The following BRD7 variants were observed in gnomAD, a reference collection of about 807,000 sequenced individuals.
BRD7 encodes bromodomain containing 7.
BRD7 carries 15 observed loss-of-function variants against 82.1 expected under a neutral mutation model. The ratio of observed to expected loss-of-function variants is 0.18; its 90% confidence interval spans 0.12 to 0.28. BRD7 has a LOEUF of 0.28. Ranked by LOEUF, BRD7 falls within the 10% of genes least tolerant of loss-of-function variation. BRD7 has a pLI of 1.00. For synonymous variants in BRD7, 232 were observed against 266.9 expected (o/e 0.87, Z 1.27); for missense variants, 638 against 779.9 (o/e 0.82, Z 2.17).
intron 5 of BRD7, among the ~76,000 whole-genome samples, chr16:50,343,739 C>T (rs1459497057): frequency 6.6e-6 from 1 of 152,194 alleles, no homozygotes; most frequent in Admixed American, 6.5e-5. Flanking sequence ...TGCAAGGCAG[C>T]AGTGAGGCTG....
At chr16:50,355,074 A>G (rs2038680017) in intron 2 of BRD7, 152 bp from the exon 3 acceptor site, 2 of 957,994 alleles carry the variant, frequency 2.1e-6, no homozygotes, top group African/African-American at 3.4e-5. Flanking sequence ...CTGGAAAAGG[A>G]GAGAATAATA....
At chr16:50,363,666 CGCGCGCGTGCGCGT>C (rs146045888) in intron 2 of BRD7, among the ~76,000 whole-genome samples, 56,231 of 135,474 alleles carry the variant, frequency 0.42, 12,087 homozygotes, top group Middle Eastern at 0.57. Context: ...TGTGTGCGCG[CGCGCGCGTGCGCGT>C]GTGCTTCCCC....
At chr16:50,327,777 A>G (rs551184256) in intron 9 of BRD7, among the ~76,000 whole-genome samples, 1 of 152,166 alleles carries the variant, frequency 6.6e-6, no homozygotes, top group African/African-American at 2.4e-5. Context: ...CCTGCATAGT[A>G]CTGATTAAGG....
chr16:50,354,967 A>C, intron 2 of BRD7, 45 bp from the exon 3 acceptor site: 2 of 1,584,198 alleles, frequency 1.3e-6, no homozygotes, highest in Non-Finnish European at 1.7e-6. Context: ...TTCAGAACCA[A>C]TATCTTTAAA....
At chr16:50,364,762 TA>T (rs2039074241) in intron 2 of BRD7, among the ~76,000 whole-genome samples, 1 of 152,224 alleles carries the variant, frequency 6.6e-6, no homozygotes, top group African/African-American at 2.4e-5. Context: ...ATGTAAGATT[TA>T]AAAGTAATAA....
intron 5 of BRD7, among the ~76,000 whole-genome samples, chr16:50,344,939 A>G (rs1305274521): frequency 6.6e-6 from 1 of 152,202 alleles, no homozygotes; most frequent in Non-Finnish European, 1.5e-5. Flanking sequence ...ACTCCTCGAG[A>G]AGAGCAACTC....
At chr16:50,349,533 G>GTCTTACAA (rs1190476940) in intron 5 of BRD7, 3 of 468,802 alleles carry the variant, frequency 6.4e-6, no homozygotes, top group Admixed American at 2.4e-5. Context: ...AAGTTTCCTT[G>GTCTTACAA]GGTCTCTCCA....
At chr16:50,328,797 T>C in intron 8 of BRD7, 53 bp from the exon 9 acceptor site, 1 of 1,521,298 alleles carries the variant, frequency 6.6e-7, no homozygotes. Context: ...ACAAACAGGC[T>C]GAGTATCCTT....
chr16:50,359,230 G>C (rs892501187), intron 2 of BRD7, among the ~76,000 whole-genome samples: 1 of 152,274 alleles, frequency 6.6e-6, no homozygotes, highest in South Asian at 2.1e-4. Flanking sequence ...TTTATAAAGC[G>C]GGTTTAAATT....
intron 5 of BRD7, among the ~76,000 whole-genome samples, chr16:50,345,743 A>G (rs1347759420): frequency 6.6e-6 from 1 of 152,188 alleles, no homozygotes; most frequent in Non-Finnish European, 1.5e-5. Flanking sequence ...TATGCACCCA[A>G]TACAGGAGCA....
At chr16:50,337,809 G>T (rs1388468068) in intron 6 of BRD7, among the ~76,000 whole-genome samples, 2 of 152,034 alleles carry the variant, frequency 1.3e-5, no homozygotes, top group African/African-American at 4.8e-5. Context: ...TCCCCTGTAG[G>T]GTGGAGAGAA....
chr16:50,350,663 G>A (rs1383820441), intron 4 of BRD7, among the ~76,000 whole-genome samples: 3 of 152,162 alleles, frequency 2.0e-5, no homozygotes, highest in Non-Finnish European at 4.4e-5. Context: ...TGTGGGGGAT[G>A]CTAAAAAAAC....
At chr16:50,349,459 T>A in intron 5 of BRD7, 1 of 436,256 alleles carries the variant, frequency 2.3e-6, no homozygotes. Flanking sequence ...CACTTCCCCC[T>A]TCACTCTCTC....
At chr16:50,356,410 G>A (rs1220898063) in intron 2 of BRD7, among the ~76,000 whole-genome samples, 1 of 152,114 alleles carries the variant, frequency 6.6e-6, no homozygotes, top group East Asian at 1.9e-4. Flanking sequence ...AAGGAAAATA[G>A]ATTAATAAAT....
chr16:50,328,042 T>G (rs1434344895), intron 9 of BRD7, among the ~76,000 whole-genome samples: 1 of 152,226 alleles, frequency 6.6e-6, no homozygotes, highest in Admixed American at 6.5e-5. Context: ...ATTCTCACAT[T>G]TGCATATCTC....
At chr16:50,368,399 G>C in intron 1 of BRD7, 101 bp from the exon 2 acceptor site, 1 of 1,227,604 alleles carries the variant, frequency 8.1e-7, no homozygotes, top group Non-Finnish European at 1.1e-6. Flanking sequence ...GCAAGCCCGA[G>C]GCGGCTTTGG....
At chr16:50,352,854 A>C (rs532838332) in intron 4 of BRD7, among the ~76,000 whole-genome samples, 10 of 152,126 alleles carry the variant, frequency 6.6e-5, no homozygotes, top group Admixed American at 1.3e-4. Context: ...CATTTCTTTT[A>C]AGGTGACATC....
At chr16:50,324,611 G>A (rs948361883) in intron 11 of BRD7, among the ~76,000 whole-genome samples, 6 of 152,182 alleles carry the variant, frequency 3.9e-5, no homozygotes, top group Admixed American at 6.6e-5. Flanking sequence ...TGCCTGGAAC[G>A]TTCTTTCAGG....
At chr16:50,346,910 T>G (rs2038307236) in intron 5 of BRD7, among the ~76,000 whole-genome samples, 1 of 152,222 alleles carries the variant, frequency 6.6e-6, no homozygotes, top group Non-Finnish European at 1.5e-5. Flanking sequence ...ACTCATTTTA[T>G]GAGGCCAGCA....
Sources: gnomAD v4.1 joint callset for allele counts (sites outside exome capture counted in the v4.1 genomes callset) on GRCh38, gnomAD v4.1.1 for gene constraint, MANE v1.5 for transcripts, NCBI Gene and HGNC (gene_info 2026-07-23, HGNC 2026-07-21) for gene names.